The following DNAJB6 variants were observed in gnomAD, a reference collection of about 807,000 sequenced individuals.
DNAJB6 encodes the protein dnaJ homolog subfamily B member 6.
In DNAJB6, 16 loss-of-function variants were observed where a neutral mutation model predicts 42.7. The observed-to-expected ratio is 0.37, with a 90% CI of 0.25 to 0.57. The LOEUF is 0.57. Ranked by LOEUF, DNAJB6 falls within the 20% of genes least tolerant of loss-of-function variation. DNAJB6 has a pLI of 0.74. For synonymous variants in DNAJB6, 170 were observed against 163.5 expected, an observed-to-expected ratio of 1.04 and a Z score of -0.30; for missense variants, 347 against 416.8, an observed-to-expected ratio of 0.83 and a Z score of 1.46.
intron 1 of DNAJB6, among the ~76,000 whole-genome samples, chr7:157,345,357 C>T (rs942770081): frequency 1.3e-5 from 2 of 152,102 alleles, no homozygotes; most frequent in Admixed American, 6.5e-5. Flanking sequence ...TGTCTCTTGT[C>T]CAAGTTGGAG....
intron 1 of DNAJB6, among the ~76,000 whole-genome samples, chr7:157,339,404 TCTC>T (rs988036492): frequency 7.4e-5 from 11 of 148,316 alleles, no homozygotes; most frequent in African/African-American, 2.5e-4. Flanking sequence ...GTCACACCAT[TCTC>T]CTGCCTCAGC....
At chr7:157,371,710 G>A (rs1800218979) in intron 5 of DNAJB6, among the ~76,000 whole-genome samples, 1 of 152,246 alleles carries the variant, frequency 6.6e-6, no homozygotes, top group South Asian at 2.1e-4. Flanking sequence ...TTAATAGGCA[G>A]TGGACTTATT....
intron 5 of DNAJB6, chr7:157,379,805 C>CTTTTTTTTTTTTTTTTTTTTTTTTTTTT (rs57417414): frequency 1.7e-5 from 2 of 121,166 alleles, no homozygotes; most frequent in African/African-American, 3.4e-5. Flanking sequence ...GCAGAAATGC[C>CTTTTTTTTTTTTTTTTTTTTTTTTTTTT]TTTTTTTTTT....
intron 1 of DNAJB6, among the ~76,000 whole-genome samples, chr7:157,346,058 G>A (rs1368178365): frequency 2.6e-5 from 4 of 151,866 alleles, no homozygotes; most frequent in Non-Finnish European, 4.4e-5. Context: ...GGGATCACCT[G>A]TTTTCTGTAA....
At chr7:157,403,691 C>T (rs1795626668) in intron 8 of DNAJB6, among the ~76,000 whole-genome samples, 1 of 152,200 alleles carries the variant, frequency 6.6e-6, no homozygotes, top group Non-Finnish European at 1.5e-5. Context: ...ATGCAGTTCC[C>T]AGCTTGCTCT....
At chr7:157,340,337 A>G (rs1798295101) in intron 1 of DNAJB6, among the ~76,000 whole-genome samples, 1 of 152,214 alleles carries the variant, frequency 6.6e-6, no homozygotes, top group South Asian at 2.1e-4. Flanking sequence ...TTAGCGAGTA[A>G]GAGTAGGATC....
chr7:157,345,266 T>C (rs1210863757), intron 1 of DNAJB6, among the ~76,000 whole-genome samples: 1 of 152,180 alleles, frequency 6.6e-6, no homozygotes, highest in African/African-American at 2.4e-5. Flanking sequence ...AGTGCTGGGA[T>C]TACAGGCGTG....
chr7:157,373,718 A>G (rs867786625), intron 5 of DNAJB6, among the ~76,000 whole-genome samples: 1 of 152,186 alleles, frequency 6.6e-6, no homozygotes, highest in African/African-American at 2.4e-5. Flanking sequence ...GGCACAGCAG[A>G]TTGGATCGGT....
intron 1 of DNAJB6, among the ~76,000 whole-genome samples, chr7:157,338,944 T>C (rs554666670): frequency 1.3e-5 from 2 of 152,330 alleles, no homozygotes; most frequent in East Asian, 3.9e-4. Context: ...TTAAAGAATT[T>C]GAGATGAGTT....
intron 1 of DNAJB6, among the ~76,000 whole-genome samples, chr7:157,357,660 G>C (rs990467120): frequency 1.3e-5 from 2 of 152,088 alleles, no homozygotes; most frequent in African/African-American, 4.8e-5. Context: ...CAGTCAAATT[G>C]AAAGAAGTAA....
Position 157,416,158 on chromosome 7 carries a change from C to A in DNAJB6, c.*60C>A, listed in dbSNP as rs1011792317. 6.3e-7 allele frequency: 1 copy of A among 1,579,778 alleles called. No individual in the cohort carries two copies. The highest frequency in any genetic ancestry group is 1.1e-5 in the South Asian group (1 of 88,236). ...CTGGCGCTCCACCGTGCTCGGCATG[C>A]GGTCGTGCACACGCGCTAGGTAGCA... On this transcript the variant is annotated 3_prime_UTR_variant, in exon 10 of 10. Coordinates refer to ENST00000262177, the MANE Select transcript of DNAJB6 (RefSeq NM_058246.4).
At chr7:157,361,306 C>T (rs1360595701) in intron 2 of DNAJB6, among the ~76,000 whole-genome samples, 1 of 152,012 alleles carries the variant, frequency 6.6e-6, no homozygotes, top group Non-Finnish European at 1.5e-5. Context: ...CTGCAGGCGC[C>T]TGCCATGATG....
chr7:157,407,091 C>T (rs1371991672), intron 8 of DNAJB6, among the ~76,000 whole-genome samples: 1 of 152,216 alleles, frequency 6.6e-6, no homozygotes, highest in Non-Finnish European at 1.5e-5. Context: ...CGGGGAACAG[C>T]TGGGAGGTGG....
At chr7:157,365,373 G>A (rs918763120) in intron 3 of DNAJB6, among the ~76,000 whole-genome samples, 3 of 152,242 alleles carry the variant, frequency 2.0e-5, no homozygotes, top group African/African-American at 7.2e-5. Flanking sequence ...GACTGTCAGT[G>A]GAGAGGGGCA....
intron 1 of DNAJB6, among the ~76,000 whole-genome samples, chr7:157,340,992 G>GC (rs1469255012): frequency 2.7e-4 from 34 of 123,978 alleles, no homozygotes; most frequent in African/African-American, 1.1e-3. Flanking sequence ...GTGTGTGTGT[G>GC]TGTGTGCGCG....
chr7:157,385,285 C>T (rs1206386264), intron 7 of DNAJB6, among the ~76,000 whole-genome samples: 1 of 152,114 alleles, frequency 6.6e-6, no homozygotes, highest in Non-Finnish European at 1.5e-5. Flanking sequence ...ATAGTAAAGC[C>T]TTTACTGTTT....
At chr7:157,392,224 T>C (rs568161043) in intron 8 of DNAJB6, among the ~76,000 whole-genome samples, 167 of 152,262 alleles carry the variant, frequency 1.1e-3, no homozygotes, top group African/African-American at 3.8e-3. Context: ...TTCTAAAATT[T>C]GCGTCTTGGC....
intron 6 of DNAJB6, among the ~76,000 whole-genome samples, 160 bp from the exon 7 acceptor site, chr7:157,384,707 C>T (rs1460338723): frequency 6.6e-6 from 1 of 152,220 alleles, no homozygotes; most frequent in Non-Finnish European, 1.5e-5. Context: ...CCCCTGGGCA[C>T]CCCAGCACTT....
At chr7:157,410,360 G>T (rs1055917398) in intron 9 of DNAJB6, 24 of 421,988 alleles carry the variant, frequency 5.7e-5, no homozygotes, top group Non-Finnish European at 7.8e-5. Flanking sequence ...AGGCCGGGTG[G>T]TCTCGTGCTG....
Sources: allele counts gnomAD v4.1 joint callset (sites outside exome capture counted in the v4.1 genomes callset), GRCh38; gene constraint gnomAD v4.1.1; transcripts MANE v1.5; gene names NCBI Gene and HGNC (gene_info 2026-07-23, HGNC 2026-07-21).